The following FBLN7 variants were observed in gnomAD, a reference collection of about 807,000 sequenced individuals.
FBLN7 encodes fibulin-7.
A neutral mutation model predicts 44.0 loss-of-function variants in FBLN7; 31 were observed. The ratio of observed to expected loss-of-function variants is 0.70; its 90% CI spans 0.53 to 0.95. FBLN7 has a LOEUF of 0.95. Ranked by LOEUF, FBLN7 falls within the 40% of genes least tolerant of loss-of-function variation. The pLI is 0.00. For missense variants in FBLN7, 573 were observed against 618.5 expected (o/e 0.93, Z 0.78); for synonymous variants, 262 against 253.4 (o/e 1.03, Z -0.32).
intron 3 of FBLN7, among the ~76,000 whole-genome samples, chr2:112,172,053 A>G (rs562669058): frequency 1.3e-5 from 2 of 152,180 alleles, no homozygotes; most frequent in Non-Finnish European, 2.9e-5. Flanking sequence ...CCCGACCATT[A>G]AGCATCTTAA....
At chr2:112,177,948 AG>A (rs1469908766) in intron 4 of FBLN7, 2 of 151,952 alleles carry the variant, frequency 1.3e-5, no homozygotes, top group Admixed American at 6.6e-5. Context: ...GGATCATTTG[AG>A]GTTGGGAGTT....
intron 4 of FBLN7, among the ~76,000 whole-genome samples, chr2:112,179,251 C>CACAA (rs1198024901): frequency 6.6e-6 from 1 of 151,888 alleles, no homozygotes. Context: ...GCCACACACA[C>CACAA]ACAAATAAAA....
chr2:112,215,653 A>C, the FBLN7 span: 3 of 152,212 alleles, frequency 2.0e-5, no homozygotes, highest in Non-Finnish European at 4.4e-5. Context: ...ATAATAACCA[A>C]TAATCAATAT....
chr2:112,202,300 G>A, the FBLN7 span, among the ~76,000 whole-genome samples: 2 of 152,052 alleles, frequency 1.3e-5, no homozygotes, highest in African/African-American at 4.8e-5. Context: ...GCCAGGCAAG[G>A]AAAGGTGATT....
In FBLN7 at chr2:112,187,128, C is replaced by T. The variant is rs767207144; in HGVS notation, c.948-6C>T. On this transcript the variant is annotated splice_region_variant and splice_polypyrimidine_tract_variant and intron_variant, in intron 7 of 7. Transcript: ENST00000331203. The surrounding 1 kb of genome is among the most constrained non-coding windows in gnomAD (Gnocchi z 5.1). ...TGACTGCCTCCATTTTGCCTCTCCG[C>T]TCCAGCCAGTGTGAGCGGAACCCCT... 5.6e-6 allele frequency: 9 copies of T among 1,613,060 alleles called. No individual in the cohort carries two copies. The highest frequency in any genetic ancestry group is 4.0e-5 in the African/African-American group (3 of 74,946).
At chr2:112,208,434 C>T in the FBLN7 span, among the ~76,000 whole-genome samples, 1 of 151,116 alleles carries the variant, frequency 6.6e-6, no homozygotes, top group East Asian at 2.0e-4. Flanking sequence ...AAAAAACAAA[C>T]AAACCACACA....
intron 7 of FBLN7, 76 bp downstream of exon 7, chr2:112,185,415 T>C (rs367829028): frequency 6.5e-7 from 1 of 1,548,906 alleles, no homozygotes; most frequent in East Asian, 2.3e-5. Context: ...CTAGAGGTTC[T>C]TGGGAGAAGG....
rs1558879667 is a variant in FBLN7, at chr2:112,160,694, A to ACG, written c.235+860_235+861insGC. Among the ~76,000 whole-genome samples the ACG allele has an allele frequency of 2.1e-3, 243 of 115,438 alleles. 8 individuals are homozygous for ACG. Among genetic ancestry groups the ACG allele is most frequent in the Non-Finnish European group, 2.6e-3 (140 of 53,030 alleles). 75.7% of individuals were successfully genotyped at this position (115,438 alleles called of 152,430 possible). The stretch of plus-strand genomic sequence containing the variant: ...CGCACACGCAGACGCACGCACACGC[A>ACG]CACACGCACGCACACACACAAGCAC... On this transcript the variant is annotated intron_variant, in intron 2 of 7. Transcript: ENST00000331203.
At chr2:112,142,404 C>T (rs907682628) in intron 1 of FBLN7, among the ~76,000 whole-genome samples, 1 of 152,194 alleles carries the variant, frequency 6.6e-6, no homozygotes, top group Non-Finnish European at 1.5e-5. Flanking sequence ...TGTATTCCCA[C>T]TATAGGGCTC....
downstream of FBLN7, among the ~76,000 whole-genome samples, chr2:112,192,623 C>T (rs1683526172): frequency 6.6e-6 from 1 of 152,144 alleles, no homozygotes; most frequent in Non-Finnish European, 1.5e-5. Context: ...AATGAAATAC[C>T]ACTGCAGAGT....
At chr2:112,230,108 T>A in the FBLN7 span, among the ~76,000 whole-genome samples, 1 of 152,186 alleles carries the variant, frequency 6.6e-6, no homozygotes, top group Admixed American at 6.5e-5. Context: ...TCACCAAAGA[T>A]GAAACTCAAA....
Position 112,187,445 on chromosome 2 carries a change from G to C in FBLN7, c.1259G>C (p.Arg420Pro). 6.2e-7 allele frequency: 1 copy of C among 1,614,156 alleles called. No homozygotes were observed. The highest frequency in any genetic ancestry group is 8.5e-7 in the Non-Finnish European group (1 of 1,180,038). The change falls in exon 8 of 8, where the codon CGC (arginine) becomes CCC (proline). Residue 420 changes from arginine to proline, a missense_variant. By Grantham distance (103) the Arg-to-Pro change is moderately radical. Coordinates refer to ENST00000331203, the MANE Select transcript of FBLN7 (RefSeq NM_153214.3). This position sits in a 1 kb window ranked among gnomAD's most constrained non-coding sequence, Gnocchi z 5.1. ...GTCGACATGTCGGAATACCTGGACC[G>C]CTCCTTCCAGGCCAACCACGTGTCC... Reference protein sequence around the residue: ...VDVDMSEYLDRSFQANHVSKV... With the variant: ...VDVDMSEYLDPSFQANHVSKV...
rs546038131 is a variant in FBLN7 at position 112,159,933 on chromosome 2, T to C, written c.235+98T>C. On this transcript the variant is annotated intron_variant, in intron 2 of 7. Coordinates refer to ENST00000331203, the MANE Select transcript of FBLN7 (RefSeq NM_153214.3). Reference sequence around the variant, plus strand: ...GGAGGCCCCTCGTCACCCCTCACCCTTCCCCCATCACCTTCCATCTTCCAA... The same window carrying C: ...GGAGGCCCCTCGTCACCCCTCACCCCTCCCCCATCACCTTCCATCTTCCAA... The C allele has an allele frequency of 1.0e-4, 101 of 1,013,206 alleles. No homozygotes were observed. The South Asian group carries it at 2.9e-3, about 29-fold the overall frequency. The allele number at this position is 1,013,206 out of a possible 1,614,324, so 62.8% of individuals were successfully genotyped here.
intron 4 of FBLN7, among the ~76,000 whole-genome samples, chr2:112,178,264 A>AAC (rs1175452810): frequency 6.6e-6 from 1 of 151,706 alleles, no homozygotes; most frequent in Admixed American, 6.6e-5. Context: ...ATACAAAAAA[A>AAC]AAAACCAAAA....
intron 6 of FBLN7, 99 bp downstream of exon 6, chr2:112,183,027 C>A: frequency 6.7e-7 from 1 of 1,486,940 alleles, no homozygotes; most frequent in East Asian, 2.4e-5. Flanking sequence ...AGGAGAGTCA[C>A]AGTTTCAGAT....
At chr2:112,219,217 G>GC in the FBLN7 span, among the ~76,000 whole-genome samples, 1 of 152,146 alleles carries the variant, frequency 6.6e-6, no homozygotes, top group Non-Finnish European at 1.5e-5. Flanking sequence ...AAAACAGTGT[G>GC]CTAACAGCAT....
chr2:112,183,850 A>G (rs1683119068), intron 6 of FBLN7, among the ~76,000 whole-genome samples: 2 of 152,106 alleles, frequency 1.3e-5, no homozygotes, highest in South Asian at 4.1e-4. Context: ...ATTAGGAAGG[A>G]TGTGTGCAGA....
At chr2:112,156,245 A>G (rs1681416433) in intron 1 of FBLN7, among the ~76,000 whole-genome samples, 1 of 152,198 alleles carries the variant, frequency 6.6e-6, no homozygotes, top group African/African-American at 2.4e-5. Context: ...CTGTGAGAAC[A>G]AAGGAGGCAG....
the FBLN7 span, chr2:112,230,855 GA>G: frequency 8.2e-7 from 1 of 1,220,252 alleles, no homozygotes; most frequent in Non-Finnish European, 1.1e-6. Context: ...CCAACTTCTG[GA>G]GATGTTCAGA....
Sources: allele counts gnomAD v4.1 joint callset (sites outside exome capture counted in the v4.1 genomes callset), GRCh38; gene constraint gnomAD v4.1.1; non-coding constraint Gnocchi (gnomAD v3.1); transcripts MANE v1.5; gene names NCBI Gene and HGNC (gene_info 2026-07-23, HGNC 2026-07-21).